The following NRP1 variants were observed in gnomAD, a reference collection of about 807,000 sequenced individuals.
The protein encoded by NRP1 is neuropilin 1.
NRP1 carries 35 observed loss-of-function variants against 106.7 expected under a neutral mutation model. The ratio of observed to expected loss-of-function variants is 0.33; its 90% CI spans 0.25 to 0.43. The LOEUF (loss-of-function observed/expected upper bound fraction) is 0.43, where lower values mean the gene tolerates loss of function less well. Ranked by LOEUF, NRP1 falls within the 20% of genes least tolerant of loss-of-function variation. The pLI, the probability that NRP1 is intolerant of heterozygous loss-of-function variation, is 1.00. For synonymous variants in NRP1, 437 were observed against 417.9 expected, an observed-to-expected ratio of 1.05 and a Z score of -0.56; for missense variants, 1,024 against 1,170.4, an observed-to-expected ratio of 0.87 and a Z score of 1.83.
chr10:33,221,836 C>G lies in NRP1; in HGVS notation c.1165G>C (p.Asp389His), dbSNP rs1839265789. ...TTGGGGAATACTGCAACCACAACAT[C>G]TGTGGGGTTGGTGTTTCCCTGAAAG... The part of the protein sequence containing the change: ...VLFQGNTNPT[D>H]VVVAVFPKPL... Residue 389 changes from aspartate to histidine, a missense_variant, in exon 8 of 17, where the codon GAT becomes CAT. By Grantham distance (81) the Asp-to-His change is moderately conservative. Transcript: ENST00000374867. The G allele has an allele frequency of 6.2e-7, 1 of 1,613,770 alleles. No homozygotes were observed. The highest frequency in any genetic ancestry group is 8.5e-7 in the Non-Finnish European group (1 of 1,179,738).
chr10:33,281,881 T>C (rs551599922), intron 2 of NRP1, among the ~76,000 whole-genome samples: 2 of 152,316 alleles, frequency 1.3e-5, no homozygotes, highest in East Asian at 3.9e-4. Flanking sequence ...TTCCACAGTG[T>C]ATACTATTGG....
At chr10:33,225,797 A>G (rs1031164906) in intron 7 of NRP1, among the ~76,000 whole-genome samples, 6 of 149,714 alleles carry the variant, frequency 4.0e-5, no homozygotes, top group African/African-American at 1.5e-4. Context: ...TCGAGGGGGG[A>G]AAAACAACAA....
At chr10:33,235,787 G>C (rs929155430) in intron 6 of NRP1, among the ~76,000 whole-genome samples, 5 of 152,220 alleles carry the variant, frequency 3.3e-5, no homozygotes, top group African/African-American at 7.2e-5. Context: ...AATGCAATTT[G>C]AAACTCTTAT....
chr10:33,251,929 T>TC (rs758241516), intron 6 of NRP1, among the ~76,000 whole-genome samples: 3 of 150,006 alleles, frequency 2.0e-5, no homozygotes, highest in Non-Finnish European at 3.0e-5. Flanking sequence ...GAAAGGAGAG[T>TC]CCCTGGCTAG....
At chr10:33,215,996 A>G (rs1425741408) in intron 8 of NRP1, among the ~76,000 whole-genome samples, 1 of 151,948 alleles carries the variant, frequency 6.6e-6, no homozygotes, top group Non-Finnish European at 1.5e-5. Flanking sequence ...ACCCTTTTCC[A>G]TTATCTGAAC....
chr10:33,273,422 G>A lies in NRP1; in HGVS notation c.249-2566C>T, dbSNP rs117239995. On this transcript the variant is annotated intron_variant, in intron 2 of 16. Coordinates refer to ENST00000374867, the MANE Select transcript of NRP1 (RefSeq NM_003873.7). ...CACTCGTTAAGTTTCGCACTGGCAA[G>A]CGTGCTGCCAGGAATGCAGCTGGTG... Among the ~76,000 whole-genome samples the A allele has an allele frequency of 3.9e-5, 6 of 152,310 alleles. No individual in the cohort carries two copies. The East Asian group carries it at 1.2e-3, about 29-fold the overall frequency.
chr10:33,287,914 C>T (rs1265252145), intron 2 of NRP1, among the ~76,000 whole-genome samples: 7 of 152,152 alleles, frequency 4.6e-5, no homozygotes, highest in Admixed American at 1.3e-4. Flanking sequence ...CATGGTCTCT[C>T]GAGCATGCTT....
Position 33,213,368 on chromosome 10 carries a change from C to G in NRP1, c.1614+18G>C. The G allele has an allele frequency of 2.5e-6, 4 of 1,614,152 alleles. No homozygotes were observed. The highest frequency in any genetic ancestry group is 3.4e-6 in the Non-Finnish European group (4 of 1,180,048). On this transcript the variant is annotated intron_variant, in intron 9 of 16. Transcript: ENST00000374867. The stretch of plus-strand genomic sequence containing the variant: ...CAAGGACATAAGGGATGACCTCCTC[C>G]CAGTCCCCAGCCCTCACCTTCGCCT...
chr10:33,272,506 G>C (rs535123892), intron 2 of NRP1, among the ~76,000 whole-genome samples: 6 of 152,126 alleles, frequency 3.9e-5, no homozygotes, highest in East Asian at 1.9e-4. Flanking sequence ...GGAGGAGAAA[G>C]AGGAGGAGGA....
intron 2 of NRP1, among the ~76,000 whole-genome samples, chr10:33,321,460 C>T (rs993533086): frequency 2.0e-5 from 3 of 152,156 alleles, no homozygotes; most frequent in African/African-American, 4.8e-5. Context: ...ACATCTAAAA[C>T]AGCCTAATCT....
chr10:33,191,037 T>G (rs1446987365), intron 13 of NRP1, among the ~76,000 whole-genome samples: 1 of 152,002 alleles, frequency 6.6e-6, no homozygotes. Context: ...AAAATTTATT[T>G]TGTAGTGTCA....
At position 33,226,221 on chromosome 10, in the gene NRP1, C is replaced by A; in HGVS notation, c.1050G>T (p.Lys350Asn). 1 of 1,614,188 alleles carries A rather than the reference C, an allele frequency of 6.2e-7. No homozygotes were observed. The highest frequency in any genetic ancestry group is 1.1e-5 in the South Asian group (1 of 91,084). ...GTQGAISKET[K>N]KKYYVKTYKI... ...TGTAAGTCTTGACATAATATTTCTTCTTGGTTTCTTTTGAAATGGCGCCCT... is the reference window on the plus strand; with the variant it reads ...TGTAAGTCTTGACATAATATTTCTTATTGGTTTCTTTTGAAATGGCGCCCT... The change falls in exon 7 of 17, where the codon AAG (lysine) becomes AAT (asparagine). Residue 350 changes from lysine to asparagine, a missense_variant. Around this residue, in one of 5 missense-constraint regions of NRP1, gnomAD observed 562 missense variants for 620.3 expected, o/e 0.91. Transcript: ENST00000374867.
chr10:33,252,398 A>G (rs994648828), intron 6 of NRP1, among the ~76,000 whole-genome samples: 5 of 152,140 alleles, frequency 3.3e-5, no homozygotes, highest in Non-Finnish European at 7.4e-5. Context: ...CAAGCCGCCT[A>G]TAGACGGCAA....
intron 3 of NRP1, among the ~76,000 whole-genome samples, chr10:33,264,799 C>A (rs1842812858): frequency 6.6e-6 from 1 of 152,138 alleles, no homozygotes; most frequent in Non-Finnish European, 1.5e-5. Context: ...GTATTCACTA[C>A]ACAATTCAAA....
At chr10:33,284,640 G>C (rs1455922518) in intron 2 of NRP1, among the ~76,000 whole-genome samples, 1 of 151,452 alleles carries the variant, frequency 6.6e-6, no homozygotes, top group African/African-American at 2.4e-5. Flanking sequence ...AATCTATTGT[G>C]TTTACTCCCT....
intron 2 of NRP1, among the ~76,000 whole-genome samples, chr10:33,310,267 T>C (rs1189785355): frequency 4.3e-5 from 6 of 140,220 alleles, no homozygotes; most frequent in African/African-American, 8.1e-5. Context: ...TTTTTTTTTT[T>C]CGAGACAGAG....
At position 33,188,660 on chromosome 10, in the gene NRP1, T is replaced by C. The variant is rs1187638781; in HGVS notation, c.2063-2172A>G. On this transcript the variant is annotated intron_variant, in intron 13 of 16. Transcript: ENST00000374867. ...GGGAAGCCGAGGTGGCTGAATCACC[T>C]GAGGTCAGGAGTCCGAGACCAGCCT... is the stretch of plus-strand genomic sequence containing the variant. Among the ~76,000 whole-genome samples the C allele has an allele frequency of 2.6e-5, 4 of 151,912 alleles. No homozygotes were observed. In the East Asian group the frequency reaches 7.7e-4, roughly 29 times the overall value.
intron 12 of NRP1, among the ~76,000 whole-genome samples, chr10:33,193,652 C>T (rs555344190): frequency 1.3e-5 from 2 of 152,306 alleles, no homozygotes; most frequent in South Asian, 4.1e-4. Context: ...GTATTAGGGT[C>T]AGGCCAAGAC....
At chr10:33,203,318 G>A (rs1476912806) in intron 10 of NRP1, among the ~76,000 whole-genome samples, 1 of 152,218 alleles carries the variant, frequency 6.6e-6, no homozygotes, top group Non-Finnish European at 1.5e-5. Context: ...GGACCCTGGA[G>A]TTGAGAACTT....
Sources: gnomAD v4.1 joint callset for allele counts (sites outside exome capture counted in the v4.1 genomes callset) on GRCh38, gnomAD v4.1.1 for gene constraint, gnomAD v4.1.1 regional missense constraint, MANE v1.5 for transcripts, NCBI Gene and HGNC (gene_info 2026-07-23, HGNC 2026-07-21) for gene names.